The following ME3 variants were observed in gnomAD, a reference collection of about 807,000 sequenced individuals.
ME3 encodes the protein malic enzyme 3.
Under a neutral mutation model 68.9 loss-of-function variants are expected in ME3, and 48 were observed. The ratio of observed to expected loss-of-function variants is 0.70; its 90% CI spans 0.55 to 0.89. The LOEUF (loss-of-function observed/expected upper bound fraction) is 0.89, where lower values mean the gene tolerates loss of function less well. Ranked by LOEUF, ME3 falls within the 40% of genes least tolerant of loss-of-function variation. The pLI, the probability that ME3 is intolerant of heterozygous loss-of-function variation, is 0.00. For synonymous variants in ME3, 320 were observed against 318.8 expected (o/e 1.00, Z -0.04); for missense variants, 675 against 797.4 (o/e 0.85, Z 1.85).
intron 7 of ME3, among the ~76,000 whole-genome samples, chr11:86,473,160 G>T (rs1950874747): frequency 1.3e-5 from 2 of 151,800 alleles, no homozygotes; most frequent in Admixed American, 1.3e-4. Flanking sequence ...GATAGTGGAA[G>T]AAAGTCCAGC....
chr11:86,655,098 G>C (rs1424030576), intron 2 of ME3, among the ~76,000 whole-genome samples: 1 of 152,158 alleles, frequency 6.6e-6, no homozygotes, highest in African/African-American at 2.4e-5. Context: ...AAATAAAAGA[G>C]GATACAAACA....
chr11:86,629,147 C>G (rs1030645485), intron 2 of ME3, among the ~76,000 whole-genome samples: 13 of 152,072 alleles, frequency 8.5e-5, no homozygotes, highest in Non-Finnish European at 1.3e-4. Context: ...GAAAGAAAAC[C>G]CAGGCCTGGA....
chr11:86,624,359 G>A (rs1379964254), intron 2 of ME3, among the ~76,000 whole-genome samples: 1 of 152,180 alleles, frequency 6.6e-6, no homozygotes, highest in African/African-American at 2.4e-5. Flanking sequence ...TTCATTAGCA[G>A]TTGCTGTGAA....
At chr11:86,647,213 A>T (rs1164999705) in intron 2 of ME3, among the ~76,000 whole-genome samples, 1 of 152,242 alleles carries the variant, frequency 6.6e-6, no homozygotes, top group Non-Finnish European at 1.5e-5. Context: ...ATTAACCTTA[A>T]ATGTAAATGG....
At chr11:86,459,402 C>T (rs770009137) in intron 8 of ME3, among the ~76,000 whole-genome samples, 9 of 152,102 alleles carry the variant, frequency 5.9e-5, no homozygotes, top group African/African-American at 1.2e-4. Context: ...CTGTGTGTCA[C>T]GAGCCTATTA....
At chr11:86,670,902 C>G (rs1209754032) in intron 2 of ME3, among the ~76,000 whole-genome samples, 2 of 152,106 alleles carry the variant, frequency 1.3e-5, no homozygotes, top group Non-Finnish European at 2.9e-5. Context: ...CTATTTTAGG[C>G]TGGAGAAAGT....
intron 7 of ME3, among the ~76,000 whole-genome samples, chr11:86,476,741 G>A (rs1951102254): frequency 6.6e-6 from 1 of 152,174 alleles, no homozygotes; most frequent in African/African-American, 2.4e-5. Flanking sequence ...CTGTGTTGGG[G>A]GTGGGGATGA....
chr11:86,602,238 T>C (rs1226464142), intron 2 of ME3, among the ~76,000 whole-genome samples: 4 of 148,742 alleles, frequency 2.7e-5, no homozygotes, highest in Non-Finnish European at 4.5e-5. Context: ...CTTAAGCTGA[T>C]AGGCAACTTC....
intron 4 of ME3, among the ~76,000 whole-genome samples, 193 bp downstream of exon 4, chr11:86,556,360 T>A (rs559458968): frequency 2.8e-4 from 42 of 152,266 alleles, no homozygotes; most frequent in Admixed American, 2.5e-3. Flanking sequence ...CCTTGCTAGC[T>A]ACTCTTTTCA....
intron 2 of ME3, among the ~76,000 whole-genome samples, chr11:86,660,906 C>T (rs923875141): frequency 1.3e-5 from 2 of 152,166 alleles, no homozygotes; most frequent in African/African-American, 2.4e-5. Flanking sequence ...TCAAAATTCT[C>T]CAGTCCCCAT....
At chr11:86,571,677 G>T (rs574319752) in intron 2 of ME3, among the ~76,000 whole-genome samples, 1 of 152,244 alleles carries the variant, frequency 6.6e-6, no homozygotes, top group Non-Finnish European at 1.5e-5. Flanking sequence ...GAAAGCATGG[G>T]AACTGCAGAC....
intron 7 of ME3, among the ~76,000 whole-genome samples, chr11:86,470,302 C>A (rs974475400): frequency 6.6e-6 from 1 of 152,216 alleles, no homozygotes; most frequent in South Asian, 2.1e-4. Context: ...TCCCCTCCCC[C>A]CAGAAAAAAA....
chr11:86,559,663 CAG>C (rs1177087714), intron 3 of ME3, 25 bp downstream of exon 3: 1 of 1,595,972 alleles, frequency 6.3e-7, no homozygotes, highest in Non-Finnish European at 8.6e-7. Flanking sequence ...AAGGACCAGA[CAG>C]AGAGAACAGA....
intron 7 of ME3, among the ~76,000 whole-genome samples, chr11:86,479,464 T>A (rs1951268556): frequency 6.6e-6 from 1 of 152,236 alleles, no homozygotes. Flanking sequence ...ACCATTCTTA[T>A]TTAACCTTAT....
In ME3 at chr11:86,604,378, T is replaced by C. The variant is rs117653877; in HGVS notation, c.184-44555A>G. On this transcript the variant is annotated intron_variant, in intron 2 of 14. Transcript: ENST00000543262. Reference sequence around the variant, plus strand: ...TTAAGGAGGGAGTCCATTCAGATGGTTGTGGGGTGAGGTGGAGGGCTTCAA... The same window carrying C: ...TTAAGGAGGGAGTCCATTCAGATGGCTGTGGGGTGAGGTGGAGGGCTTCAA... Among the ~76,000 whole-genome samples the C allele has an allele frequency of 4.5e-4, 69 of 152,110 alleles. No individual in the cohort carries two copies. The East Asian group carries it at 0.012, about 26-fold the overall frequency.
At chr11:86,478,119 A>G (rs1004238997) in intron 7 of ME3, among the ~76,000 whole-genome samples, 1 of 152,018 alleles carries the variant, frequency 6.6e-6, no homozygotes. Context: ...ACCACCCACC[A>G]ATCAACCAAC....
chr11:86,436,559 A>G (rs1948898765), downstream of ME3: 2 of 152,108 alleles, frequency 1.3e-5, no homozygotes, highest in African/African-American at 4.8e-5. Flanking sequence ...TTAAAGTTGT[A>G]TCTCAGAACT....
intron 2 of ME3, among the ~76,000 whole-genome samples, chr11:86,601,720 G>C (rs9667168): frequency 0.17 from 24,977 of 149,752 alleles, 2,416 homozygotes; most frequent in East Asian, 0.38. Flanking sequence ...TACTGGCAAA[G>C]TGAATCCAGC....
intron 2 of ME3, among the ~76,000 whole-genome samples, chr11:86,574,412 T>G (rs12282012): frequency 0.23 from 14,146 of 62,564 alleles, 1,352 homozygotes; most frequent in Middle Eastern, 0.38. Flanking sequence ...GGGGGGGGGG[T>G]GTCTTTTTTG....
Sources: allele counts gnomAD v4.1 joint callset (sites outside exome capture counted in the v4.1 genomes callset), GRCh38; gene constraint gnomAD v4.1.1; transcripts MANE v1.5; gene names NCBI Gene and HGNC (gene_info 2026-07-23, HGNC 2026-07-21).